The following FRAS1 variants were observed in gnomAD, a reference collection of about 807,000 sequenced individuals.
FRAS1 encodes Fraser extracellular matrix complex subunit 1.
A neutral mutation model predicts 435.2 loss-of-function variants in FRAS1; 290 were observed. The observed-to-expected ratio is 0.67, with a 90% CI of 0.61 to 0.73. The LOEUF (loss-of-function observed/expected upper bound fraction) is 0.73. FRAS1 is among the 30% of genes least tolerant of loss of function. FRAS1 has a pLI of 0.00. For synonymous variants in FRAS1, 1,800 were observed against 1,851.0 expected (o/e 0.97, Z 0.71); for missense variants, 4,860 against 5,001.5 (o/e 0.97, Z 0.85).
At chr4:78,454,956 A>G (rs1213664135) in intron 47 of FRAS1, among the ~76,000 whole-genome samples, 2 of 152,182 alleles carry the variant, frequency 1.3e-5, no homozygotes, top group African/African-American at 4.8e-5. Context: ...AAGTGGAGGA[A>G]TGCTGTCTAC....
intron 5 of FRAS1, among the ~76,000 whole-genome samples, chr4:78,253,169 A>G (rs1725625303): frequency 6.6e-6 from 1 of 152,174 alleles, no homozygotes; most frequent in Admixed American, 6.5e-5. Context: ...ATTCAGCGAT[A>G]TCTCTCTTAC....
At chr4:78,277,088 C>T (rs1277708237) in intron 9 of FRAS1, among the ~76,000 whole-genome samples, 1 of 152,204 alleles carries the variant, frequency 6.6e-6, no homozygotes, top group African/African-American at 2.4e-5. Context: ...ATGAGTGAGG[C>T]TCCGTGAGCA....
At chr4:78,265,823 G>C (rs1578215430) in intron 7 of FRAS1, among the ~76,000 whole-genome samples, 1 of 152,098 alleles carries the variant, frequency 6.6e-6, no homozygotes, top group Non-Finnish European at 1.5e-5. Flanking sequence ...ATAGAAATTG[G>C]GGTCATGACT....
At chr4:78,150,046 A>G (rs1720579814) in intron 2 of FRAS1, among the ~76,000 whole-genome samples, 1 of 152,154 alleles carries the variant, frequency 6.6e-6, no homozygotes, top group Non-Finnish European at 1.5e-5. Context: ...AAATCAAGAT[A>G]CTGCACTGTC....
At chr4:78,304,650 C>T (rs542253871) in intron 14 of FRAS1, among the ~76,000 whole-genome samples, 3 of 151,988 alleles carry the variant, frequency 2.0e-5, no homozygotes, top group East Asian at 3.9e-4. Context: ...AGTTTATTTG[C>T]GTAGAGGTGT....
Position 78,470,931 on chromosome 4 carries a change from C to T in FRAS1, c.7371+840C>T, listed in dbSNP as rs1258630766. 2.0e-5 allele frequency among the ~76,000 whole-genome samples: 3 copies of T among 152,116 alleles called. No homozygotes were observed. In the East Asian group the frequency reaches 5.8e-4, roughly 29 times the overall value. ...TATTGGCAATAAATTGTTCATATGG[C>T]CCAAATGTTGCATGGGAGGCTGGGA... On this transcript the variant is annotated intron_variant, in intron 51 of 73. Transcript: ENST00000512123.
intron 22 of FRAS1, among the ~76,000 whole-genome samples, chr4:78,365,961 T>C (rs1218754436): frequency 1.7e-5 from 2 of 117,186 alleles, no homozygotes; most frequent in Non-Finnish European, 4.0e-5. Context: ...CAAGAGTCTG[T>C]CTCAGAAAAA....
At chr4:78,420,926 A>C (rs1223701091) in intron 33 of FRAS1, among the ~76,000 whole-genome samples, 3 of 137,920 alleles carry the variant, frequency 2.2e-5, no homozygotes, top group Non-Finnish European at 4.7e-5. Context: ...ATATATTTAT[A>C]TAAAGGGGAG....
intron 2 of FRAS1, among the ~76,000 whole-genome samples, chr4:78,135,581 C>A (rs1207093191): frequency 6.6e-6 from 1 of 152,230 alleles, no homozygotes; most frequent in Non-Finnish European, 1.5e-5. Context: ...TGGGTTCACT[C>A]ATGTCAGGAG....
rs1335508575 is a variant in FRAS1, at chr4:78,308,105, A to G, written c.1574A>G (p.Glu525Gly). 6.2e-7 allele frequency: 1 copy of G among 1,613,802 alleles called. No individual in the cohort carries two copies. Residue 525 changes from glutamate (E) to glycine (G), a missense_variant, in exon 15 of 74, where the codon GAG (glutamate) becomes GGG (glycine). Physicochemically the swap from Glu to Gly is moderately conservative, Grantham distance 98 (BLOSUM62 -2). Coordinates refer to ENST00000512123, the MANE Select transcript of FRAS1 (RefSeq NM_025074.7). ...ESCAGCWGPT[E>G]KHCLACRDPL... ...TGTGCAGGTTGCTGGGGCCCAACGG[A>G]GAAGCACTGCTTGGCCTGCAGAGAT... is the stretch of plus-strand genomic sequence containing the variant.
intron 64 of FRAS1, 28 bp downstream of exon 64, chr4:78,511,534 C>A: frequency 1.3e-6 from 2 of 1,503,270 alleles, no homozygotes; most frequent in Non-Finnish European, 1.8e-6. Flanking sequence ...TTCCACCACA[C>A]ATAGATTGAA....
At chr4:78,286,351 C>A in intron 13 of FRAS1, 54 bp from the exon 14 acceptor site, 1 of 1,607,770 alleles carries the variant, frequency 6.2e-7, no homozygotes, top group Non-Finnish European at 8.5e-7. Flanking sequence ...GGGGTGGTGT[C>A]TTTCAGCTAA....
At chr4:78,130,886 C>T (rs961335918) in intron 2 of FRAS1, among the ~76,000 whole-genome samples, 1 of 152,004 alleles carries the variant, frequency 6.6e-6, no homozygotes, top group Non-Finnish European at 1.5e-5. Context: ...CAGGGAAAGC[C>T]CAAATATAAA....
At chr4:78,391,962 C>A (rs1732462471) in intron 29 of FRAS1, among the ~76,000 whole-genome samples, 1 of 151,370 alleles carries the variant, frequency 6.6e-6, no homozygotes, top group Non-Finnish European at 1.5e-5. Flanking sequence ...TAACTAAATC[C>A]TTGCCATATA....
chr4:78,312,087 T>G (rs1057352525), intron 15 of FRAS1, among the ~76,000 whole-genome samples: 1 of 151,570 alleles, frequency 6.6e-6, no homozygotes, highest in Non-Finnish European at 1.5e-5. Context: ...GAATTTTTAA[T>G]AAGACCTTTG....
chr4:78,377,616 G>A (rs997927434), intron 26 of FRAS1, among the ~76,000 whole-genome samples: 2 of 152,222 alleles, frequency 1.3e-5, no homozygotes, highest in Admixed American at 6.5e-5. Context: ...GACAAGGTAT[G>A]TGTATTTCAC....
intron 6 of FRAS1, among the ~76,000 whole-genome samples, chr4:78,258,281 C>A (rs1259497556): frequency 6.7e-6 from 1 of 150,018 alleles, no homozygotes; most frequent in Non-Finnish European, 1.5e-5. Flanking sequence ...GTTGAGGCTG[C>A]AGTGAGCCGT....
intron 59 of FRAS1, among the ~76,000 whole-genome samples, chr4:78,490,860 C>T (rs1720327569): frequency 1.6e-5 from 1 of 61,768 alleles, no homozygotes; most frequent in South Asian, 8.4e-4. Context: ...ATCAGTGAAT[C>T]CAGGAGCTGG....
intron 49 of FRAS1, 142 bp downstream of exon 49, chr4:78,464,725 A>C (rs1248622389): frequency 1.1e-6 from 1 of 870,084 alleles, no homozygotes; most frequent in Non-Finnish European, 1.7e-6. Flanking sequence ...AAAATACAGA[A>C]GATACCAGGG....
Sources: gnomAD v4.1 joint callset for allele counts (sites outside exome capture counted in the v4.1 genomes callset) on GRCh38, gnomAD v4.1.1 for gene constraint, MANE v1.5 for transcripts, NCBI Gene and HGNC (gene_info 2026-07-23, HGNC 2026-07-21) for gene names.